The following WDR45B variants were observed in gnomAD, a reference collection of about 807,000 sequenced individuals.
The protein encoded by WDR45B is WD repeat domain phosphoinositide-interacting protein 3.
WDR45B carries 20 observed loss-of-function variants against 44.6 expected under a neutral mutation model. The observed-to-expected ratio is 0.45, with a 90% CI of 0.32 to 0.65. WDR45B has a LOEUF of 0.65. Among genes scored for constraint, WDR45B ranks in the 30% least tolerant of loss-of-function variants. The pLI is 0.05. For synonymous variants in WDR45B, 169 were observed against 164.9 expected, an observed-to-expected ratio of 1.02 and a Z score of -0.19; for missense variants, 323 against 430.2, an observed-to-expected ratio of 0.75 and a Z score of 2.20.
At chr17:82,624,560 G>A (rs190121054) in intron 5 of WDR45B, among the ~76,000 whole-genome samples, 2 of 136,774 alleles carry the variant, frequency 1.5e-5, no homozygotes, top group Admixed American at 7.4e-5. Flanking sequence ...GCGCCCGGCC[G>A]ACTGTTCTGT....
In WDR45B at chr17:82,621,867, G is replaced by T. The variant is rs2045623224; in HGVS notation, c.428-68C>A. 3 of 1,559,182 alleles carry T rather than the reference G, an allele frequency of 1.9e-6. No homozygotes were observed. The Admixed American group carries it at 5.3e-5, about 28-fold the overall frequency. ...TTCTCACAGCCAAAGTCCACTTTCTGCCCCCAAAGTTCTCCGAAAAAATAG... is the reference window on the plus strand; with the variant it reads ...TTCTCACAGCCAAAGTCCACTTTCTTCCCCCAAAGTTCTCCGAAAAAATAG... On this transcript the variant is annotated intron_variant, in intron 5 of 9. Transcript: ENST00000392325.
intron 5 of WDR45B, among the ~76,000 whole-genome samples, 191 bp downstream of exon 5, chr17:82,625,198 G>A (rs2045679152): frequency 1.3e-5 from 2 of 152,262 alleles, no homozygotes; most frequent in South Asian, 4.1e-4. Context: ...CTGTGACTCT[G>A]GTCAGAAGGT....
At chr17:82,631,160 C>G (rs1257193186) in intron 2 of WDR45B, 138 bp from the exon 3 acceptor site, 1 of 805,832 alleles carries the variant, frequency 1.2e-6, no homozygotes, top group East Asian at 2.8e-5. Flanking sequence ...CTGTGTTGCC[C>G]AGGCTGGAAT....
chr17:82,640,782 G>T (rs1045752391), intron 2 of WDR45B, among the ~76,000 whole-genome samples: 1 of 152,118 alleles, frequency 6.6e-6, no homozygotes, highest in East Asian at 1.9e-4. Context: ...ACTCACATAA[G>T]CTGGAAACGG....
intron 5 of WDR45B, among the ~76,000 whole-genome samples, chr17:82,623,380 C>CT (rs1187507204): frequency 8.9e-6 from 1 of 112,500 alleles, no homozygotes; most frequent in Admixed American, 1.1e-4. Context: ...GAGCGAGACT[C>CT]TATCTCCAAA....
Position 82,647,224 on chromosome 17 carries a change from GAAAT to G in WDR45B, c.67+1046_67+1049del, listed in dbSNP as rs768350376. Among the ~76,000 whole-genome samples the G allele has an allele frequency of 9.2e-5, 14 of 152,268 alleles. No individual in the cohort carries two copies. The East Asian group carries it at 1.5e-3, about 17-fold the overall frequency. ...ACAGAATGAGACTCCGTCTCAAAAT[GAAAT>G]AAATAAATAAATAAAATTGTCTTCA... On this transcript the variant is annotated intron_variant, in intron 1 of 9. Transcript: ENST00000392325.
At chr17:82,644,084 G>A (rs944962783) in intron 1 of WDR45B, 61 bp from the exon 2 acceptor site, 36 of 1,542,288 alleles carry the variant, frequency 2.3e-5, no homozygotes, top group Non-Finnish European at 2.9e-5. Context: ...AAAGAAAGAG[G>A]TCTGGAGAAA....
chr17:82,624,309 G>A (rs1235250636), intron 5 of WDR45B, among the ~76,000 whole-genome samples: 2 of 150,964 alleles, frequency 1.3e-5, no homozygotes, highest in South Asian at 2.1e-4. Flanking sequence ...TCGCCCAGGC[G>A]GGAGTGCAGT....
intron 2 of WDR45B, among the ~76,000 whole-genome samples, chr17:82,632,718 G>A (rs980957563): frequency 6.6e-6 from 1 of 152,006 alleles, no homozygotes; most frequent in African/African-American, 2.4e-5. Context: ...TCCTCAGCTC[G>A]ATCTTCGAGA....
intron 3 of WDR45B, among the ~76,000 whole-genome samples, chr17:82,630,684 G>A (rs1238284353): frequency 1.3e-5 from 2 of 152,130 alleles, no homozygotes; most frequent in Non-Finnish European, 2.9e-5. Context: ...CCCGTTTTCC[G>A]TTTACTGACT....
intron 3 of WDR45B, among the ~76,000 whole-genome samples, chr17:82,628,819 T>C (rs1239899607): frequency 1.3e-5 from 2 of 151,908 alleles, no homozygotes; most frequent in Non-Finnish European, 2.9e-5. Flanking sequence ...GGGCAACATG[T>C]GGAAACGCCG....
chr17:82,615,868 CGA>C lies in WDR45B; in HGVS notation c.*49_*50del, dbSNP rs769265465. ...GCCCCTGGGGCACTGGCACCAGCCC[CGA>C]GAGTCTGAAGGCGGCAGGTGGTGGG... is the stretch of plus-strand genomic sequence containing the variant. On this transcript the variant is annotated 3_prime_UTR_variant, in exon 10 of 10. Transcript: ENST00000392325. 1 of 1,571,132 alleles carries C rather than the reference CGA, an allele frequency of 6.4e-7. No homozygotes were observed. Among genetic ancestry groups the C allele is most frequent in the Non-Finnish European group, 8.7e-7 (1 of 1,142,904 alleles).
chr17:82,639,559 C>G (rs2045881892), intron 2 of WDR45B, among the ~76,000 whole-genome samples: 1 of 151,124 alleles, frequency 6.6e-6, no homozygotes, highest in Non-Finnish European at 1.5e-5. Flanking sequence ...CATTGCAGGC[C>G]TCCCATTTCT....
At chr17:82,637,005 AC>A (rs1451477904) in intron 2 of WDR45B, among the ~76,000 whole-genome samples, 1 of 151,528 alleles carries the variant, frequency 6.6e-6, no homozygotes, top group Non-Finnish European at 1.5e-5. Flanking sequence ...CAGGATAAAA[AC>A]CCCCGGTCTC....
chr17:82,633,823 T>A (rs1568011449), intron 2 of WDR45B, among the ~76,000 whole-genome samples: 1 of 152,020 alleles, frequency 6.6e-6, no homozygotes. Context: ...AAGATCAGCC[T>A]GGGCAACACA....
chr17:82,623,719 A>AT (rs2045652092), intron 5 of WDR45B, among the ~76,000 whole-genome samples: 1 of 151,652 alleles, frequency 6.6e-6, no homozygotes, highest in African/African-American at 2.4e-5. Context: ...AAAAAAAAAA[A>AT]ATTCTTACAT....
At chr17:82,633,090 G>A (rs2045788974) in intron 2 of WDR45B, among the ~76,000 whole-genome samples, 1 of 151,610 alleles carries the variant, frequency 6.6e-6, no homozygotes, top group East Asian at 1.9e-4. Flanking sequence ...TTGAGCCCGG[G>A]AGGCAGAGGT....
intron 6 of WDR45B, among the ~76,000 whole-genome samples, chr17:82,621,240 G>C (rs921310093): frequency 2.0e-5 from 3 of 152,064 alleles, no homozygotes; most frequent in African/African-American, 4.8e-5. Context: ...TTTTAGTAGA[G>C]ACGGGGTTTC....
chr17:82,636,610 T>G (rs1458565067), intron 2 of WDR45B: 2 of 152,074 alleles, frequency 1.3e-5, no homozygotes, highest in Admixed American at 6.6e-5. Context: ...GGTACTGAAA[T>G]ATTACAAAGG....
Sources: gnomAD v4.1 joint callset for allele counts (sites outside exome capture counted in the v4.1 genomes callset) on GRCh38, gnomAD v4.1.1 for gene constraint, MANE v1.5 for transcripts, NCBI Gene and HGNC (gene_info 2026-07-23, HGNC 2026-07-21) for gene names.